SARNP: variants seen among roughly 807,000 people sequenced by gnomAD.
SARNP encodes the protein SAP domain-containing ribonucleoprotein.
In SARNP, 5 loss-of-function variants were observed where a neutral mutation model predicts 38.1. The observed-to-expected ratio is 0.13, with a 90% CI of 0.07 to 0.28. The LOEUF (loss-of-function observed/expected upper bound fraction) is 0.28, where lower values mean the gene tolerates loss of function less well. SARNP is among the 10% of genes least tolerant of loss of function. SARNP has a pLI of 1.00. For missense variants in SARNP, 180 were observed against 243.9 expected (o/e 0.74, Z 1.75); for synonymous variants, 84 against 80.6 (o/e 1.04, Z -0.23).
intron 9 of SARNP, among the ~76,000 whole-genome samples, chr12:55,768,125 C>CTTAT (rs746174248): frequency 9.0e-4 from 137 of 151,628 alleles, no homozygotes; most frequent in Admixed American, 4.6e-4. Flanking sequence ...CTCTCTCTCT[C>CTTAT]TTATTTATTT....
chr12:55,800,989 C>T, intron 2 of SARNP, 89 bp from the exon 3 acceptor site: 5 of 1,149,088 alleles, frequency 4.4e-6, no homozygotes, highest in Non-Finnish European at 3.9e-6. Flanking sequence ...ACTTTGCTTT[C>T]CCCCAAAAAA....
intron 1 of SARNP, among the ~76,000 whole-genome samples, chr12:55,804,651 A>AT (rs1215770915): frequency 6.6e-6 from 1 of 152,206 alleles, no homozygotes; most frequent in East Asian, 1.9e-4. Context: ...TAACTGAAAT[A>AT]TAGACTCCAT....
chr12:55,784,051 C>T (rs754603387), intron 9 of SARNP, among the ~76,000 whole-genome samples: 1 of 152,180 alleles, frequency 6.6e-6, no homozygotes, highest in Non-Finnish European at 1.5e-5. Context: ...AAAGAGAAAT[C>T]AGCAAGCACG....
chr12:55,779,918 G>A (rs570228990), intron 9 of SARNP, among the ~76,000 whole-genome samples: 16 of 152,154 alleles, frequency 1.1e-4, no homozygotes, highest in Non-Finnish European at 1.9e-4. Context: ...AGACCAAGGC[G>A]GGAGGATCAC....
chr12:55,790,941 G>A (rs1239354231), intron 7 of SARNP, among the ~76,000 whole-genome samples: 1 of 152,102 alleles, frequency 6.6e-6, no homozygotes, highest in Non-Finnish European at 1.5e-5. Flanking sequence ...AAAAGTTAAA[G>A]AAAAACACCC....
At chr12:55,789,009 G>C in intron 9 of SARNP, 66 bp downstream of exon 9, 1 of 1,044,892 alleles carries the variant, frequency 9.6e-7, no homozygotes, top group South Asian at 1.4e-5. Context: ...GTCATTTCCA[G>C]CCTATGTAGT....
chr12:55,767,097 G>A (rs1286609160), intron 9 of SARNP, among the ~76,000 whole-genome samples: 1 of 152,182 alleles, frequency 6.6e-6, no homozygotes, highest in African/African-American at 2.4e-5. Flanking sequence ...AATTACATGT[G>A]TAAAGAGTGC....
At chr12:55,797,941 C>G (rs1879867210) in intron 4 of SARNP, among the ~76,000 whole-genome samples, 1 of 152,164 alleles carries the variant, frequency 6.6e-6, no homozygotes, top group Admixed American at 6.5e-5. Context: ...AGAATTAAAG[C>G]CCCCTGAACA....
chr12:55,785,143 G>GT (rs1253894702), intron 9 of SARNP, among the ~76,000 whole-genome samples: 1 of 152,052 alleles, frequency 6.6e-6, no homozygotes, highest in Non-Finnish European at 1.5e-5. Context: ...TTTTAAACTA[G>GT]TTTTTTGCCA....
At chr12:55,816,776 TA>T (rs765228619) in intron 1 of SARNP, among the ~76,000 whole-genome samples, 15 of 152,206 alleles carry the variant, frequency 9.9e-5, no homozygotes, top group Admixed American at 2.6e-4. Flanking sequence ...CTTTTTAATA[TA>T]TTTTTTTAAC....
chr12:55,791,307 T>C (rs1183664173), intron 7 of SARNP, among the ~76,000 whole-genome samples: 5 of 152,240 alleles, frequency 3.3e-5, no homozygotes. Flanking sequence ...TATCTTTAAA[T>C]GGATGAACTG....
chr12:55,804,679 C>T (rs71459311), intron 1 of SARNP, among the ~76,000 whole-genome samples: 51 of 152,186 alleles, frequency 3.4e-4, no homozygotes, highest in Non-Finnish European at 6.9e-4. Context: ...GATGTAATGG[C>T]CTTACTGGGC....
chr12:55,762,253 G>A (rs1407652101), intron 9 of SARNP, among the ~76,000 whole-genome samples: 6 of 151,854 alleles, frequency 4.0e-5, no homozygotes, highest in African/African-American at 1.5e-4. Flanking sequence ...TGCCATTGCA[G>A]TCCAGCCTGG....
intron 5 of SARNP, 133 bp downstream of exon 5, chr12:55,795,892 C>T (rs1879805367): frequency 4.8e-6 from 3 of 623,872 alleles, no homozygotes; most frequent in African/African-American, 1.9e-5. Flanking sequence ...GGCAGTGAAA[C>T]GTATCAACAC....
chr12:55,800,926 C>A, intron 2 of SARNP, 26 bp from the exon 3 acceptor site: 5 of 1,588,576 alleles, frequency 3.1e-6, no homozygotes, highest in Non-Finnish European at 4.3e-6. Context: ...ATATTCAGGT[C>A]AAGCCCTGCT....
At chr12:55,773,327 TCAAGTC>T (rs1272186962) in intron 9 of SARNP, among the ~76,000 whole-genome samples, 1 of 152,168 alleles carries the variant, frequency 6.6e-6, no homozygotes, top group Non-Finnish European at 1.5e-5. Flanking sequence ...AAATTTCTCA[TCAAGTC>T]CAAGTAAGAC....
downstream of SARNP, chr12:55,755,692 T>C (rs1878485238): frequency 6.6e-6 from 1 of 152,058 alleles, no homozygotes. Flanking sequence ...AGAATGACTA[T>C]AATGAGATAG....
chr12:55,794,209 A>AT lies in SARNP; in HGVS notation c.406+149dup, dbSNP rs754424802. ...AATTGCCCAGGAAGGCCTAAGTATA[A>AT]TTTTACCTAAAGCAGGAGATGAATG... is the stretch of plus-strand genomic sequence containing the variant. On this transcript the variant is annotated intron_variant, in intron 7 of 10. Coordinates refer to ENST00000336133, the MANE Select transcript of SARNP (RefSeq NM_033082.4). The AT allele has an allele frequency of 2.5e-5, 18 of 729,068 alleles. 1 individual carries two copies. The highest frequency in any genetic ancestry group is 1.9e-5 in the Non-Finnish European group (8 of 422,916). 45.2% of individuals were successfully genotyped at this position (729,068 alleles called of 1,614,324 possible).
intron 6 of SARNP, 70 bp from the exon 7 acceptor site, chr12:55,794,457 A>G: frequency 7.6e-7 from 1 of 1,316,438 alleles, no homozygotes; most frequent in Non-Finnish European, 1.1e-6. Context: ...CTCCGTGTCA[A>G]GTATACATAT....
Sources: gnomAD v4.1 joint callset for allele counts (sites outside exome capture counted in the v4.1 genomes callset) on GRCh38, gnomAD v4.1.1 for gene constraint, MANE v1.5 for transcripts, NCBI Gene and HGNC (gene_info 2026-07-23, HGNC 2026-07-21) for gene names.